The following TNFRSF21 variants were observed in gnomAD, a reference collection of about 807,000 sequenced individuals.
TNFRSF21 encodes the protein tumor necrosis factor receptor superfamily member 21.
TNFRSF21 carries 19 observed loss-of-function variants against 45.6 expected under a neutral mutation model. That is an observed-to-expected ratio of 0.42 (90% CI 0.29 to 0.61). The LOEUF (loss-of-function observed/expected upper bound fraction) is 0.61. Ranked by LOEUF, TNFRSF21 falls within the 20% of genes least tolerant of loss-of-function variation. The probability of loss-of-function intolerance (pLI) is 0.23; values close to 1 mark genes in which losing one functional copy is unlikely to be tolerated. For missense variants in TNFRSF21, 737 were observed against 851.5 expected, an observed-to-expected ratio of 0.87 and a Z score of 1.67; for synonymous variants, 314 against 335.5, an observed-to-expected ratio of 0.94 and a Z score of 0.70.
intron 3 of TNFRSF21, among the ~76,000 whole-genome samples, chr6:47,256,124 C>T (rs1449767425): frequency 1.3e-5 from 2 of 152,170 alleles, no homozygotes; most frequent in African/African-American, 4.8e-5. Flanking sequence ...CCAGGCAATC[C>T]TATTGAGGCA....
In TNFRSF21 at chr6:47,252,976, C is replaced by T. The variant is rs565563684; in HGVS notation, c.1509+280G>A. The stretch of plus-strand genomic sequence containing the variant: ...GAGAGCTTTTACAAATACCGATTCA[C>T]GCTCTGCCCCCTGGAGATTCTGATG... On this transcript the variant is annotated intron_variant, in intron 4 of 5. Coordinates refer to ENST00000296861, the MANE Select transcript of TNFRSF21 (RefSeq NM_014452.5). 2.2e-4 allele frequency among the ~76,000 whole-genome samples: 34 copies of T among 152,228 alleles called. 1 individual carries two copies. In the South Asian group the frequency reaches 3.9e-3, roughly 18 times the overall value.
intron 3 of TNFRSF21, among the ~76,000 whole-genome samples, chr6:47,269,965 G>A (rs114105878): frequency 0.021 from 3,206 of 152,264 alleles, 134 homozygotes; most frequent in African/African-American, 0.074. Context: ...ACCCGTATAT[G>A]AGCGACAGTT....
intron 4 of TNFRSF21, among the ~76,000 whole-genome samples, chr6:47,235,117 G>C (rs1395052142): frequency 6.6e-6 from 1 of 152,004 alleles, no homozygotes; most frequent in African/African-American, 2.4e-5. Flanking sequence ...CTAAAAACGG[G>C]GAGGCATATG....
intron 1 of TNFRSF21, 131 bp downstream of exon 1, chr6:47,309,285 T>C (rs545080089): frequency 9.9e-4 from 1,300 of 1,306,758 alleles, no homozygotes; most frequent in Admixed American, 2.1e-3. Context: ...TGGAAACCCC[T>C]CAGTGCCCGT....
intron 3 of TNFRSF21, among the ~76,000 whole-genome samples, chr6:47,280,130 T>G (rs547603556): frequency 6.6e-6 from 1 of 152,286 alleles, no homozygotes; most frequent in African/African-American, 2.4e-5. Flanking sequence ...CTTCAAAGTT[T>G]GGAGGATGTA....
At chr6:47,255,768 CA>C (rs1764977448) in intron 3 of TNFRSF21, among the ~76,000 whole-genome samples, 1 of 151,942 alleles carries the variant, frequency 6.6e-6, no homozygotes, top group Non-Finnish European at 1.5e-5. Flanking sequence ...TGGCCAATAT[CA>C]TGTCTTTGAA....
At chr6:47,257,800 T>C (rs1765009800) in intron 3 of TNFRSF21, among the ~76,000 whole-genome samples, 1 of 152,262 alleles carries the variant, frequency 6.6e-6, no homozygotes, top group South Asian at 2.1e-4. Flanking sequence ...ATATATAAGA[T>C]GTGTTTATAA....
In TNFRSF21 at chr6:47,282,105, G is replaced by A. The variant is rs115023830; in HGVS notation, c.1243+1833C>T. 2.0e-4 allele frequency among the ~76,000 whole-genome samples: 30 copies of A among 152,044 alleles called. No individual in the cohort carries two copies. The South Asian group carries it at 4.8e-3, about 24-fold the overall frequency. ...TAAGCTAAAAAAACAAACAAAAAAC[G>A]CTGGGCAAGGTGGCTCACACCTGTA... On this transcript the variant is annotated intron_variant, in intron 3 of 5. Coordinates refer to ENST00000296861, the MANE Select transcript of TNFRSF21 (RefSeq NM_014452.5).
intron 3 of TNFRSF21, among the ~76,000 whole-genome samples, chr6:47,267,806 G>A (rs755844975): frequency 3.9e-5 from 6 of 152,082 alleles, no homozygotes; most frequent in Admixed American, 6.5e-5. Flanking sequence ...TATATCTGAC[G>A]CATGAGCCCT....
Position 47,309,593 on chromosome 6 carries a change from C to T in TNFRSF21, c.-82G>A. 1 of 1,369,276 alleles carries T rather than the reference C, an allele frequency of 7.3e-7. No homozygotes were observed. The highest frequency in any genetic ancestry group is 3.1e-5 in the East Asian group (1 of 32,434). 84.8% of individuals were successfully genotyped at this position (1,369,276 alleles called of 1,614,324 possible). On this transcript the variant is annotated 5_prime_UTR_variant, in exon 1 of 6. An upstream open reading frame in the 5' UTR gains an earlier in-frame stop. Coordinates refer to ENST00000296861, the MANE Select transcript of TNFRSF21 (RefSeq NM_014452.5). ...GGCTGCTTCTGCCCAGCGCCGCATC[C>T]ACCGCCGCCTCCCGGGCCGGGAGCC...
chr6:47,281,458 G>A (rs1476268541), intron 3 of TNFRSF21, among the ~76,000 whole-genome samples: 3 of 151,202 alleles, frequency 2.0e-5, no homozygotes, highest in Non-Finnish European at 4.4e-5. Context: ...CTGGCTCACT[G>A]CAACCTCCGC....
At chr6:47,294,885 A>C (rs1161576316) in intron 1 of TNFRSF21, among the ~76,000 whole-genome samples, 1 of 152,232 alleles carries the variant, frequency 6.6e-6, no homozygotes, top group Non-Finnish European at 1.5e-5. Context: ...TAGAATTATA[A>C]GCAGCATAAT....
intron 3 of TNFRSF21, among the ~76,000 whole-genome samples, chr6:47,257,120 C>A (rs1174736845): frequency 6.6e-6 from 1 of 152,050 alleles, no homozygotes; most frequent in Non-Finnish European, 1.5e-5. Context: ...AAATACACGG[C>A]CTTTACGAAG....
intron 3 of TNFRSF21, among the ~76,000 whole-genome samples, chr6:47,253,983 C>T (rs2113850337): frequency 6.6e-6 from 1 of 152,248 alleles, no homozygotes; most frequent in South Asian, 2.1e-4. Context: ...TAGAAGATTC[C>T]TTCTTCTTGT....
intron 1 of TNFRSF21, among the ~76,000 whole-genome samples, chr6:47,288,768 C>T (rs1489351093): frequency 1.3e-5 from 2 of 152,168 alleles, no homozygotes; most frequent in South Asian, 4.1e-4. Flanking sequence ...TTTTTTCAGA[C>T]GCTTTGCCTA....
At chr6:47,295,753 G>A (rs1762782049) in intron 1 of TNFRSF21, among the ~76,000 whole-genome samples, 1 of 151,610 alleles carries the variant, frequency 6.6e-6, no homozygotes, top group Non-Finnish European at 1.5e-5. Flanking sequence ...AGACAGAACT[G>A]TTCCCAGTTA....
chr6:47,309,351 G>A (rs1433522939), intron 1 of TNFRSF21, 65 bp downstream of exon 1: 15 of 1,486,164 alleles, frequency 1.0e-5, no homozygotes, highest in African/African-American at 1.5e-5. Context: ...GACCCGCCCG[G>A]CTCCCGGAGA....
At chr6:47,260,651 T>A (rs1765061439) in intron 3 of TNFRSF21, among the ~76,000 whole-genome samples, 2 of 152,164 alleles carry the variant, frequency 1.3e-5, no homozygotes, top group South Asian at 4.1e-4. Context: ...ATGAATGTCA[T>A]CAATGAGAAC....
At chr6:47,283,808 C>T in intron 3 of TNFRSF21, 130 bp downstream of exon 3, 1 of 1,163,660 alleles carries the variant, frequency 8.6e-7, no homozygotes, top group Non-Finnish European at 1.2e-6. Flanking sequence ...TATAACACGA[C>T]TAGATCAAGT....
Sources: allele counts gnomAD v4.1 joint callset (sites outside exome capture counted in the v4.1 genomes callset), GRCh38; gene constraint gnomAD v4.1.1; transcripts MANE v1.5; gene names NCBI Gene and HGNC (gene_info 2026-07-23, HGNC 2026-07-21).